APOBEC1: variants seen among roughly 807,000 people sequenced by gnomAD.
The protein encoded by APOBEC1 is apolipoprotein B mRNA editing enzyme catalytic subunit 1.
A neutral mutation model predicts 26.3 loss-of-function variants in APOBEC1; 22 were observed. The ratio of observed to expected loss-of-function variants is 0.84; its 90% CI spans 0.60 to 1.19. The LOEUF is 1.19. Ranked by LOEUF, APOBEC1 falls within the 50% of genes most tolerant of loss-of-function variation. APOBEC1 has a pLI of 0.00. For synonymous variants in APOBEC1, 77 were observed against 95.3 expected (o/e 0.81, Z 1.12); for missense variants, 253 against 289.0 (o/e 0.88, Z 0.90).
intron 2 of APOBEC1, among the ~76,000 whole-genome samples, chr12:7,653,847 C>A (rs1863679585): frequency 6.6e-6 from 1 of 152,182 alleles, no homozygotes; most frequent in African/African-American, 2.4e-5. Flanking sequence ...TCTACTTGCT[C>A]TCAGTGGTGT....
chr12:7,661,487 TGATAGATAGATA>T (rs60705558), intron 1 of APOBEC1, among the ~76,000 whole-genome samples: 104,929 of 150,898 alleles, frequency 0.7, 36,641 homozygotes, highest in East Asian at 0.83. Flanking sequence ...TGATGACAGA[TGATAGATAGATA>T]GATAGATAGA....
chr12:7,659,351 G>A (rs12301368), intron 1 of APOBEC1, among the ~76,000 whole-genome samples: 26,863 of 68,780 alleles, frequency 0.39, 4,104 homozygotes, highest in South Asian at 0.53. Flanking sequence ...ATATATATAT[G>A]TTTATATTTG....
At chr12:7,667,159 G>A (rs953588968), upstream of APOBEC1, among the ~76,000 whole-genome samples, 4 of 151,876 alleles carry the variant, frequency 2.6e-5, no homozygotes, top group East Asian at 1.9e-4. Context: ...TGATCCACCC[G>A]CCTCAGCTTC....
At chr12:7,662,989 T>C (rs988534569) in intron 1 of APOBEC1, among the ~76,000 whole-genome samples, 2 of 152,004 alleles carry the variant, frequency 1.3e-5, no homozygotes, top group Non-Finnish European at 2.9e-5. Flanking sequence ...AGTACTGAAT[T>C]TTAGAGACCT....
upstream of APOBEC1, chr12:7,665,951 C>T: frequency 6.9e-7 from 1 of 1,448,388 alleles, no homozygotes; most frequent in Non-Finnish European, 9.7e-7. Context: ...TTCAGGTGTG[C>T]CCACTGCCAC....
chr12:7,657,334 T>TTGAAGTGAC (rs1410695763), intron 1 of APOBEC1, among the ~76,000 whole-genome samples: 1 of 152,182 alleles, frequency 6.6e-6, no homozygotes, highest in Non-Finnish European at 1.5e-5. Context: ...CAGAACACTT[T>TTGAAGTGAC]TGAAGTGACT....
intron 1 of APOBEC1, among the ~76,000 whole-genome samples, chr12:7,660,410 A>AAGAAAGAAAGAGAGAG (rs111744018): frequency 5.9e-5 from 5 of 84,300 alleles, no homozygotes; most frequent in African/African-American, 1.8e-4. Flanking sequence ...GAAAGAAAGA[A>AAGAAAGAAAGAGAGAG]AGAGAGGGTA....
chr12:7,652,383 T>C, intron 3 of APOBEC1, 55 bp downstream of exon 3: 2 of 1,497,022 alleles, frequency 1.3e-6, no homozygotes, highest in Admixed American at 2.1e-5. Flanking sequence ...TAAAAACAGC[T>C]ACTATCACCA....
chr12:7,651,441 C>T (rs1372513233), intron 3 of APOBEC1, among the ~76,000 whole-genome samples: 1 of 151,756 alleles, frequency 6.6e-6, no homozygotes, highest in African/African-American at 2.4e-5. Flanking sequence ...AGTGAAACCC[C>T]GTCTCTACTA....
rs111744018 is a variant in APOBEC1, at chr12:7,660,410, A to AAGAAGGAAAGAAAGAAAG, written c.16+5446_16+5447insCTTTCTTTCTTTCCTTCT. 2.4e-4 allele frequency among the ~76,000 whole-genome samples: 20 copies of AAGAAGGAAAGAAAGAAAG among 84,294 alleles called. 1 individual carries two copies. The highest frequency in any genetic ancestry group is 7.8e-4 in the African/African-American group (17 of 21,838). 55.3% of individuals were successfully genotyped at this position (84,294 alleles called of 152,430 possible). A position where few individuals can be genotyped will look rare whatever the true frequency, so the allele number is the denominator to read the frequency against. ...AAAGAAAGAAAGAAAGAAAGAAAGA[A>AAGAAGGAAAGAAAGAAAG]AGAGAGGGTATTTGGGCCAGGGACA... is the stretch of plus-strand genomic sequence containing the variant. On this transcript the variant is annotated intron_variant, in intron 1 of 4. Coordinates refer to ENST00000229304, the MANE Select transcript of APOBEC1 (RefSeq NM_001644.5).
chr12:7,651,976 A>G (rs938154193), intron 3 of APOBEC1, among the ~76,000 whole-genome samples: 1 of 151,848 alleles, frequency 6.6e-6, no homozygotes, highest in Non-Finnish European at 1.5e-5. Flanking sequence ...GCCCGCCACC[A>G]CGCCTGGCTA....
At chr12:7,668,794 C>A (rs1863922079), upstream of APOBEC1, among the ~76,000 whole-genome samples, 1 of 151,966 alleles carries the variant, frequency 6.6e-6, no homozygotes, top group African/African-American at 2.4e-5. Flanking sequence ...AGTGGCTTGA[C>A]CTTGGCTCAC....
chr12:7,652,516 G>GT lies in APOBEC1; in HGVS notation c.363_364insA (p.His122ThrfsTer15). ...CCTTGCCGATTTTGTTGATCCATGT[G>GT]CCAAAAAAGCCGAGCTACGTAGATC... is the stretch of plus-strand genomic sequence containing the variant. On this transcript the variant is annotated frameshift_variant, in exon 3 of 5. Transcript: ENST00000229304. LOFTEE classifies it high-confidence loss of function. The GT allele has an allele frequency of 6.2e-7, 1 of 1,614,072 alleles. No individual in the cohort carries two copies. Among genetic ancestry groups the GT allele is most frequent in the Non-Finnish European group, 8.5e-7 (1 of 1,180,000 alleles).
intron 1 of APOBEC1, among the ~76,000 whole-genome samples, chr12:7,656,487 A>C (rs888795414): frequency 6.6e-6 from 1 of 152,224 alleles, no homozygotes; most frequent in Admixed American, 6.5e-5. Flanking sequence ...CACGTCCTCC[A>C]TTCAGACTCT....
At chr12:7,660,076 G>A (rs1448932025) in intron 1 of APOBEC1, among the ~76,000 whole-genome samples, 2 of 151,898 alleles carry the variant, frequency 1.3e-5, no homozygotes, top group African/African-American at 4.8e-5. Flanking sequence ...AGGCTGAGGC[G>A]GGTGGTTCAC....
At chr12:7,660,326 G>A (rs1327805742) in intron 1 of APOBEC1, among the ~76,000 whole-genome samples, 20 of 125,782 alleles carry the variant, frequency 1.6e-4, no homozygotes, top group Non-Finnish European at 3.0e-4. Context: ...AAGGAAGGAA[G>A]GAAGGAAGGG....
Position 7,652,864 on chromosome 12 carries a change from C to T in APOBEC1, c.45-29G>A, listed in dbSNP as rs1863664166. On this transcript the variant is annotated intron_variant, in intron 2 of 4. Coordinates refer to ENST00000229304, the MANE Select transcript of APOBEC1 (RefSeq NM_001644.5). Reference sequence around the variant, plus strand: ...AAATACAAAAAGCAGCCCACACTGTCATGCCACATTTAGAGAGATCTTAGA... The same window carrying T: ...AAATACAAAAAGCAGCCCACACTGTTATGCCACATTTAGAGAGATCTTAGA... 4 of 1,531,296 alleles carry T rather than the reference C, an allele frequency of 2.6e-6. No individual in the cohort carries two copies. In the Admixed American group the frequency reaches 8.6e-5, roughly 33 times the overall value. The allele number at this position is 1,531,296 out of a possible 1,614,324, so 94.9% of individuals were successfully genotyped here.
At chr12:7,655,101 C>T (rs765784445) in intron 1 of APOBEC1, among the ~76,000 whole-genome samples, 7 of 152,136 alleles carry the variant, frequency 4.6e-5, no homozygotes, top group East Asian at 3.9e-4. Flanking sequence ...CCCAGCTACT[C>T]GGGTGGCTGA....
At chr12:7,656,413 G>A (rs942243283) in intron 1 of APOBEC1, among the ~76,000 whole-genome samples, 1 of 152,088 alleles carries the variant, frequency 6.6e-6, no homozygotes, top group Non-Finnish European at 1.5e-5. Flanking sequence ...TGGCTCTCCT[G>A]GCCCTTATCA....
Sources: allele counts gnomAD v4.1 joint callset (sites outside exome capture counted in the v4.1 genomes callset), GRCh38; gene constraint gnomAD v4.1.1; transcripts MANE v1.5; gene names NCBI Gene and HGNC (gene_info 2026-07-23, HGNC 2026-07-21).